Variants in SLC2A14 observed in about 807,000 individuals in gnomAD.
SLC2A14 encodes the protein solute carrier family 2, facilitated glucose transporter member 14.
SLC2A14 carries 13 observed loss-of-function variants against 43.0 expected under a neutral mutation model. That is an observed-to-expected ratio of 0.30 (90% CI 0.20 to 0.48). The LOEUF (loss-of-function observed/expected upper bound fraction) is 0.48, where lower values mean the gene tolerates loss of function less well. Ranked by LOEUF, SLC2A14 falls within the 20% of genes least tolerant of loss-of-function variation. The probability of loss-of-function intolerance (pLI) is 0.99; values close to 1 mark genes in which losing one functional copy is unlikely to be tolerated. For missense variants in SLC2A14, 428 were observed against 620.4 expected (o/e 0.69, Z 3.29); for synonymous variants, 190 against 233.8 (o/e 0.81, Z 1.71).
chr12:7,827,059 T>C (rs1033947957), intron 7 of SLC2A14, among the ~76,000 whole-genome samples: 2 of 101,288 alleles, frequency 2.0e-5, no homozygotes, highest in Non-Finnish European at 4.4e-5. Context: ...CTCTCTCTCT[T>C]TCTTTCTCTC....
chr12:7,867,368 T>C (rs949743976), intron 2 of SLC2A14, among the ~76,000 whole-genome samples: 1 of 151,296 alleles, frequency 6.6e-6, no homozygotes, highest in African/African-American at 2.4e-5. Context: ...TTGGAAGAAG[T>C]TGATTCCAAC....
intron 1 of SLC2A14, among the ~76,000 whole-genome samples, chr12:7,882,633 T>TA (rs1592333590): frequency 6.6e-6 from 1 of 152,208 alleles, no homozygotes; most frequent in South Asian, 2.1e-4. Flanking sequence ...GCTCAGGGGT[T>TA]AAAGACCAGC....
At chr12:7,827,470 T>C in intron 7 of SLC2A14, 25 bp downstream of exon 7, 1 of 1,608,618 alleles carries the variant, frequency 6.2e-7, no homozygotes, top group Non-Finnish European at 8.5e-7. Context: ...GTAAGACACG[T>C]TTGACCCTAA....
At position 7,881,034 on chromosome 12, in the gene SLC2A14, G is replaced by A. The variant is rs1945561597; in HGVS notation, c.132+9962C>T. Reference sequence around the variant, plus strand: ...GGCGCCTGTTGTCCCAGCTACTCAGGAGGCTGACACAGGAGAATGGCGTGA... The same window carrying A: ...GGCGCCTGTTGTCCCAGCTACTCAGAAGGCTGACACAGGAGAATGGCGTGA... On this transcript the variant is annotated intron_variant, in intron 1 of 9. Transcript: ENST00000539924. 2.0e-5 allele frequency among the ~76,000 whole-genome samples: 3 copies of A among 152,098 alleles called. No homozygotes were observed. In the South Asian group the frequency reaches 6.2e-4, roughly 32 times the overall value.
intron 2 of SLC2A14, among the ~76,000 whole-genome samples, chr12:7,868,566 G>A (rs896383549): frequency 3.9e-5 from 6 of 151,994 alleles, no homozygotes; most frequent in African/African-American, 1.5e-4. Context: ...GGTAGTCATA[G>A]GCACCAAGAG....
chr12:7,867,975 A>T (rs1592304927), intron 2 of SLC2A14, among the ~76,000 whole-genome samples: 1 of 152,186 alleles, frequency 6.6e-6, no homozygotes, highest in African/African-American at 2.4e-5. Flanking sequence ...GCAGTAACAA[A>T]GTGTGAGAGA....
In SLC2A14 at chr12:7,827,639, G is replaced by C. The variant is rs140691083; in HGVS notation, c.720C>G (p.Ile240Met). Reference protein sequence around the residue: ...LWGTQDVSQDIQEMKDESARM... With the variant: ...LWGTQDVSQDMQEMKDESARM... ...TTGCACTCTCATCTTTCATCTCCTG[G>C]ATGTCTTGGGATACATCCTGGGTGC... The change falls in exon 7 of 11, where the codon ATC becomes ATG. Residue 240 changes from isoleucine to methionine, a missense_variant. Ile to Met is a conservative substitution (Grantham distance 10, BLOSUM62 1). Transcript: ENST00000431042. 1.9e-6 allele frequency: 3 copies of C among 1,612,752 alleles called. No individual in the cohort carries two copies. In the South Asian group the frequency reaches 3.3e-5, roughly 18 times the overall value.
intron 5 of SLC2A14, among the ~76,000 whole-genome samples, chr12:7,829,429 G>A (rs2120767166): frequency 6.6e-6 from 1 of 151,454 alleles, no homozygotes; most frequent in South Asian, 2.1e-4. Flanking sequence ...ACGTGGTGGT[G>A]CACACCTGTA....
At position 7,867,280 on chromosome 12, in the gene SLC2A14, CAAA is replaced by C. The variant is rs755003596; in HGVS notation, c.18+2580_18+2582del. On this transcript the variant is annotated intron_variant, in intron 2 of 10. Transcript: ENST00000431042. ...TGGGCGACAGAGGGAGACTCCGTCT[CAAA>C]AAAAAAAAAAAAAAAAACAAAAAAA... is the stretch of plus-strand genomic sequence containing the variant. Among the ~76,000 whole-genome samples the C allele has an allele frequency of 5.6e-3, 397 of 71,184 alleles. 3 individuals carry two copies. The highest frequency in any genetic ancestry group is 0.016 in the African/African-American group (338 of 20,598). 46.7% of individuals were successfully genotyped at this position (71,184 alleles called of 152,430 possible). A position where few individuals can be genotyped will look rare whatever the true frequency, so the allele number is the denominator to read the frequency against.
At chr12:7,875,404 A>C (rs1220217251), upstream of SLC2A14, among the ~76,000 whole-genome samples, 2 of 150,912 alleles carry the variant, frequency 1.3e-5, no homozygotes, top group African/African-American at 4.9e-5. Context: ...GCTACTTGGG[A>C]GAATGAGGCC....
intron 1 of SLC2A14, 82 bp from the exon 2 acceptor site, chr12:7,870,019 C>CG: frequency 1.5e-6 from 1 of 671,566 alleles, no homozygotes; most frequent in South Asian, 2.3e-5. Context: ...TTAGCCCCCT[C>CG]GCCAATGGAC....
upstream of SLC2A14, among the ~76,000 whole-genome samples, chr12:7,878,103 T>A (rs1945495041): frequency 6.6e-6 from 1 of 151,948 alleles, no homozygotes; most frequent in East Asian, 1.9e-4. Context: ...CAGGCTGGAG[T>A]GCAATGGCGT....
chr12:7,881,353 G>A (rs771513541), intron 1 of SLC2A14, among the ~76,000 whole-genome samples: 1 of 151,866 alleles, frequency 6.6e-6, no homozygotes, highest in Non-Finnish European at 1.5e-5. Context: ...GTTTGGGCTC[G>A]GCGGGCCCCG....
intron 10 of SLC2A14, among the ~76,000 whole-genome samples, chr12:7,815,476 A>G (rs889845164): frequency 1.3e-5 from 2 of 151,874 alleles, no homozygotes; most frequent in African/African-American, 4.8e-5. Flanking sequence ...TTCTGCCGTC[A>G]TTTTTTTTCT....
chr12:7,865,956 C>T (rs1944882758), intron 2 of SLC2A14, among the ~76,000 whole-genome samples: 1 of 152,116 alleles, frequency 6.6e-6, no homozygotes, highest in African/African-American at 2.4e-5. Flanking sequence ...GTAGCTCACG[C>T]CTGTAATCCC....
chr12:7,855,926 C>T (rs1361085842), intron 2 of SLC2A14, among the ~76,000 whole-genome samples: 4 of 151,956 alleles, frequency 2.6e-5, no homozygotes, highest in African/African-American at 4.8e-5. Context: ...TGAGCCACCG[C>T]GCCTGGCTTA....
upstream of SLC2A14, among the ~76,000 whole-genome samples, chr12:7,875,832 C>T (rs1416071142): frequency 3.9e-5 from 6 of 151,970 alleles, no homozygotes; most frequent in East Asian, 3.9e-4. Context: ...AAAAATTAGC[C>T]GGGTGCAGTG....
Position 7,814,480 on chromosome 12 carries a change from A to G in SLC2A14, c.1330T>C (p.Leu444=), listed in dbSNP as rs10845983. ...GGGACTTTGAAGAAGGTAAAGGCCA[A>G]GAAGGTAATGAGGAAGCCGGTGAAG... ...IIFTGFLITF[L]AFTFFKVPET... The change falls in exon 11 of 11, where the codon TTG becomes CTG. Residue 444 remains leucine, a synonymous_variant. Transcript: ENST00000431042. 0.31 allele frequency: 501,919 copies of G among 1,612,768 alleles called. 82,415 individuals are homozygous for G. The highest frequency in any genetic ancestry group is 0.39 in the Admixed American group (23,063 of 59,846).
In SLC2A14 at chr12:7,832,774, A is replaced by G; in HGVS notation, c.59T>C (p.Ile20Thr). Residue 20 changes from isoleucine to threonine, a missense_variant, in exon 3 of 11, where the codon ATC becomes ACC. This residue lies in a region of SLC2A14 where 122 missense variants were observed against 128.8 expected (regional missense o/e 0.95). Coordinates refer to ENST00000431042, the MANE Select transcript of SLC2A14 (RefSeq NM_001286234.2). ...GTTGTAGCCAAACTGGAAAGAGCCG[A>G]TTGTAGCAACTGTGATGGCAAAGAT... ...ALIFAITVAT[I>T]GSFQFGYNTG... 6.2e-7 allele frequency: 1 copy of G among 1,614,196 alleles called. No homozygotes were observed. Among genetic ancestry groups the G allele is most frequent in the Non-Finnish European group, 8.5e-7 (1 of 1,180,042 alleles).
Sources: gnomAD v4.1 joint callset for allele counts (sites outside exome capture counted in the v4.1 genomes callset) on GRCh38, gnomAD v4.1.1 for gene constraint, gnomAD v4.1.1 regional missense constraint, MANE v1.5 for transcripts, NCBI Gene and HGNC (gene_info 2026-07-23, HGNC 2026-07-21) for gene names.